UVSSA: variants seen among roughly 807,000 people sequenced by gnomAD.
The protein encoded by UVSSA is UV stimulated scaffold protein A.
In UVSSA, 72 loss-of-function variants were observed where a neutral mutation model predicts 73.9. The observed-to-expected ratio is 0.97, with a 90% CI of 0.81 to 1.19. The LOEUF (loss-of-function observed/expected upper bound fraction) is 1.19, where lower values mean the gene tolerates loss of function less well. Among genes scored for constraint, UVSSA ranks in the 50% most tolerant of loss-of-function variants. The pLI is 0.00. For synonymous variants in UVSSA, 454 were observed against 391.3 expected, an observed-to-expected ratio of 1.16 and a Z score of -1.89; for missense variants, 1,150 against 965.0, an observed-to-expected ratio of 1.19 and a Z score of -2.54.
At chr4:1,356,283 G>C (rs933303148) in intron 7 of UVSSA, among the ~76,000 whole-genome samples, 6 of 152,110 alleles carry the variant, frequency 3.9e-5, no homozygotes, top group Admixed American at 6.5e-5. Flanking sequence ...CTTGGAAGTT[G>C]GGGGGTGGGG....
intron 8 of UVSSA, among the ~76,000 whole-genome samples, chr4:1,367,886 C>T (rs1163581902): frequency 6.6e-6 from 1 of 152,234 alleles, no homozygotes; most frequent in Non-Finnish European, 1.5e-5. Flanking sequence ...CACCAGCATC[C>T]ACCTGAAATG....
In UVSSA at chr4:1,395,601, G is replaced by C. The variant is rs773794823; in HGVS notation, c.*9640G>C. 5.0e-6 allele frequency: 8 copies of C among 1,590,118 alleles called. No homozygotes were observed. In the East Asian group the frequency reaches 1.6e-4, roughly 32 times the overall value. On this transcript the variant is annotated 3_prime_UTR_variant, in exon 14 of 14. Transcript: ENST00000511216. ...ACGTGCCCATGTGGAGTGCCCGCCTGCTCACACACGTGCCCATGTGGAGTG... is the reference window on the plus strand; with the variant it reads ...ACGTGCCCATGTGGAGTGCCCGCCTCCTCACACACGTGCCCATGTGGAGTG...
At chr4:1,347,956 C>G (rs115755535) in intron 1 of UVSSA, 134 bp from the exon 2 acceptor site, 1 of 709,144 alleles carries the variant, frequency 1.4e-6, no homozygotes, top group East Asian at 2.5e-5. Context: ...CAGAGAGGCA[C>G]CCACAGATGG....
intron 6 of UVSSA, 33 bp from the exon 7 acceptor site, chr4:1,355,084 G>A (rs77559233): frequency 1.4e-3 from 2,246 of 1,608,330 alleles, no homozygotes; most frequent in African/African-American, 2.9e-3. Context: ...CTGCCCGGCC[G>A]GCCCCTGAGC....
At chr4:1,377,276 C>T (rs1029224265) in intron 10 of UVSSA, among the ~76,000 whole-genome samples, 7 of 152,200 alleles carry the variant, frequency 4.6e-5, no homozygotes, top group African/African-American at 1.7e-4. Flanking sequence ...ACATTGTCCA[C>T]AGCTGCCTGT....
At chr4:1,391,150 A>AGG (rs1412898513), downstream of UVSSA, 4 of 145,428 alleles carry the variant, frequency 2.8e-5, no homozygotes, top group African/African-American at 7.9e-5. Context: ...GTTGGGTCTG[A>AGG]TTGGTTTCTA....
intron 8 of UVSSA, among the ~76,000 whole-genome samples, chr4:1,367,161 C>G (rs1354680481): frequency 6.6e-6 from 1 of 152,182 alleles, no homozygotes; most frequent in Non-Finnish European, 1.5e-5. Context: ...TCGGGAGGTG[C>G]CGAACCCTGC....
At chr4:1,348,043 A>G (rs1713984457) in intron 1 of UVSSA, 47 bp from the exon 2 acceptor site, 4 of 1,479,858 alleles carry the variant, frequency 2.7e-6, no homozygotes, top group Admixed American at 1.7e-5. Flanking sequence ...ACCGAGAGCT[A>G]TAAAATACAG....
At chr4:1,352,643 A>G (rs911058947) in intron 4 of UVSSA, among the ~76,000 whole-genome samples, 3 of 152,236 alleles carry the variant, frequency 2.0e-5, no homozygotes, top group Non-Finnish European at 4.4e-5. Flanking sequence ...TGGGTGCTCT[A>G]GTAAGCGGTT....
intron 8 of UVSSA, among the ~76,000 whole-genome samples, chr4:1,367,787 G>A (rs555884450): frequency 2.5e-4 from 38 of 151,530 alleles, no homozygotes; most frequent in African/African-American, 8.7e-4. Flanking sequence ...ACCTCACTGC[G>A]TCAGACCCCT....
downstream of UVSSA, chr4:1,390,382 T>G (rs2109332761): frequency 6.6e-6 from 1 of 152,304 alleles, no homozygotes; most frequent in African/African-American, 2.4e-5. Flanking sequence ...CACTGCAGCC[T>G]TGACCTCCCA....
chr4:1,384,008 A>G, intron 13 of UVSSA, 68 bp downstream of exon 13: 2 of 1,494,980 alleles, frequency 1.3e-6, no homozygotes, highest in South Asian at 2.5e-5. Flanking sequence ...GAGGGGGGCC[A>G]TCTGAGCGCC....
In UVSSA at chr4:1,353,179, C is replaced by G; in HGVS notation, c.700C>G (p.Gln234Glu). ...SDALRSSCAG[Q>E]VGPCRSGTPD... ...TGCCCTTCGCTCCTCCTGCGCGGGC[C>G]AGGTGGGCCCCTGCCGGTCTGGCAC... is the stretch of plus-strand genomic sequence containing the variant. Residue 234 changes from glutamine to glutamate, a missense_variant, in exon 5 of 14, where the codon CAG (glutamine) becomes GAG (glutamate). Transcript: ENST00000389851. 6.2e-7 allele frequency: 1 copy of G among 1,612,778 alleles called. No homozygotes were observed. Among genetic ancestry groups the G allele is most frequent in the Non-Finnish European group, 8.5e-7 (1 of 1,179,972 alleles).
intron 7 of UVSSA, among the ~76,000 whole-genome samples, chr4:1,362,582 C>T (rs1421535598): frequency 1.3e-5 from 2 of 152,202 alleles, no homozygotes; most frequent in African/African-American, 4.8e-5. Flanking sequence ...GTATGATCTC[C>T]TTTCCTGGAT....
intron 11 of UVSSA, chr4:1,380,540 C>G (rs771240846): frequency 7.9e-5 from 88 of 1,116,780 alleles, no homozygotes; most frequent in Admixed American, 4.1e-4. Flanking sequence ...CTGGGATCCT[C>G]AAAAGTGAGG....
At position 1,349,766 on chromosome 4, in the gene UVSSA, C is replaced by T; in HGVS notation, c.341C>T (p.Thr114Ile). The T allele has an allele frequency of 1.2e-6, 2 of 1,608,662 alleles. No individual in the cohort carries two copies. The highest frequency in any genetic ancestry group is 1.7e-6 in the Non-Finnish European group (2 of 1,176,660). ...EAAQRLRQATTRAVEGWNEKF... is the reference protein window; with the variant it reads ...EAAQRLRQATIRAVEGWNEKF... The stretch of plus-strand genomic sequence containing the variant: ...GCACAGAGGCTGAGGCAGGCGACCA[C>T]CCGGGCCGTGGAAGGGTGGAATGAG... Residue 114 changes from threonine to isoleucine, a missense_variant, in exon 3 of 14, where the codon ACC becomes ATC. Transcript: ENST00000389851.
chr4:1,344,828 A>G (rs937356388), upstream of UVSSA, among the ~76,000 whole-genome samples: 1 of 152,104 alleles, frequency 6.6e-6, no homozygotes. Flanking sequence ...CAGGGAGGTG[A>G]GCGGGTGCAG....
chr4:1,359,804 A>G (rs12501056), intron 7 of UVSSA, among the ~76,000 whole-genome samples: 18,766 of 152,096 alleles, frequency 0.12, 2,094 homozygotes, highest in East Asian at 0.43. Context: ...TTGGAGTTAG[A>G]TGCCAGAAGC....
rs1244237799 is a variant in UVSSA at position 1,381,002 on chromosome 4, A to G, written c.1861+14A>G. The G allele has an allele frequency of 6.2e-7, 1 of 1,608,574 alleles. No individual in the cohort carries two copies. The highest frequency in any genetic ancestry group is 1.3e-5 in the African/African-American group (1 of 74,920). On this transcript the variant is annotated intron_variant, in intron 12 of 13. Transcript: ENST00000389851. ...AGGAGCGCCCGGGTAGGTCTGGGCA[A>G]GGCGGTCACCGTGGGAGGCACAGCC...
Sources: allele counts gnomAD v4.1 joint callset (sites outside exome capture counted in the v4.1 genomes callset), GRCh38; gene constraint gnomAD v4.1.1; transcripts MANE v1.5; gene names NCBI Gene and HGNC (gene_info 2026-07-23, HGNC 2026-07-21).